The following CAMK1D variants were observed in gnomAD, a reference collection of about 807,000 sequenced individuals.
The protein encoded by CAMK1D is calcium/calmodulin dependent protein kinase ID, also known as calcium/calmodulin-dependent protein kinase type 1D.
CAMK1D carries 9 observed loss-of-function variants against 47.7 expected under a neutral mutation model. The observed-to-expected ratio is 0.19, with a 90% CI of 0.11 to 0.33. The LOEUF is 0.33. CAMK1D is among the 10% of genes least tolerant of loss of function. The pLI is 1.00. For missense variants in CAMK1D, 291 were observed against 488.7 expected (o/e 0.60, Z 3.81); for synonymous variants, 184 against 184.9 (o/e 0.99, Z 0.04).
At chr10:12,508,687 C>T (rs1834950952) in intron 1 of CAMK1D, among the ~76,000 whole-genome samples, 1 of 152,154 alleles carries the variant, frequency 6.6e-6, no homozygotes, top group African/African-American at 2.4e-5. Context: ...AAAAAGCAAA[C>T]ACATGGGTCT....
chr10:12,771,614 G>A (rs1388891885), intron 5 of CAMK1D, among the ~76,000 whole-genome samples: 1 of 152,234 alleles, frequency 6.6e-6, no homozygotes, highest in Non-Finnish European at 1.5e-5. Context: ...TAGAAGCGGG[G>A]AGATGCAGGG....
intron 1 of CAMK1D, among the ~76,000 whole-genome samples, chr10:12,397,748 A>T (rs1839014229): frequency 6.6e-6 from 1 of 152,182 alleles, no homozygotes; most frequent in African/African-American, 2.4e-5. Flanking sequence ...AGTAGGAAAA[A>T]TGTTGGCCTA....
chr10:12,542,175 C>T (rs1836217898), intron 1 of CAMK1D, among the ~76,000 whole-genome samples: 1 of 152,096 alleles, frequency 6.6e-6, no homozygotes. Flanking sequence ...CATGGAACCC[C>T]AGCTTTTCAG....
chr10:12,367,518 TATA>T (rs1422777335), intron 1 of CAMK1D, among the ~76,000 whole-genome samples: 1 of 151,976 alleles, frequency 6.6e-6, no homozygotes, highest in Non-Finnish European at 1.5e-5. Context: ...TATATTAAAA[TATA>T]ATGAAATAAT....
intron 1 of CAMK1D, among the ~76,000 whole-genome samples, chr10:12,417,335 G>T (rs898610988): frequency 1.3e-5 from 2 of 152,208 alleles, no homozygotes; most frequent in Non-Finnish European, 2.9e-5. Context: ...TGATGCTCCA[G>T]GGAGGTTTGA....
At chr10:12,567,858 G>T (rs902474632) in intron 2 of CAMK1D, among the ~76,000 whole-genome samples, 3 of 152,076 alleles carry the variant, frequency 2.0e-5, no homozygotes, top group African/African-American at 7.2e-5. Context: ...CTCGAATTTC[G>T]AGCTTGAATC....
chr10:12,827,468 G>GTCTTTCTTTCTTTCTTTCTTTCTT (rs1294410746), intron 10 of CAMK1D, among the ~76,000 whole-genome samples: 91 of 3,784 alleles, frequency 0.024, 21 homozygotes, highest in Non-Finnish European at 0.048. Context: ...TTCTTTGTCT[G>GTCTTTCTTTCTTTCTTTCTTTCTT]TCTGTCTTTC....
chr10:12,437,638 C>T (rs1370679790), intron 1 of CAMK1D, among the ~76,000 whole-genome samples: 1 of 152,194 alleles, frequency 6.6e-6, no homozygotes, highest in African/African-American at 2.4e-5. Flanking sequence ...CATTTTGTTA[C>T]AGCTGATGAA....
intron 1 of CAMK1D, among the ~76,000 whole-genome samples, chr10:12,412,584 C>G (rs1216309999): frequency 6.8e-6 from 1 of 147,284 alleles, no homozygotes; most frequent in Admixed American, 6.9e-5. Context: ...GATCGTGTCA[C>G]TGCACTCCAG....
At chr10:12,541,895 T>TCCTTC (rs1836205280) in intron 1 of CAMK1D, among the ~76,000 whole-genome samples, 1 of 58,638 alleles carries the variant, frequency 1.7e-5, no homozygotes, top group African/African-American at 5.0e-5. Context: ...TCCTTTTTTT[T>TCCTTC]TTTCAGGTCT....
At chr10:12,807,580 G>T (rs970243229) in intron 6 of CAMK1D, among the ~76,000 whole-genome samples, 2 of 152,306 alleles carry the variant, frequency 1.3e-5, no homozygotes, top group Admixed American at 6.5e-5. Context: ...CTCTGAGCAG[G>T]CAGCGTCCAC....
intron 1 of CAMK1D, among the ~76,000 whole-genome samples, chr10:12,480,744 G>T (rs573918921): frequency 6.6e-6 from 1 of 152,320 alleles, no homozygotes; most frequent in South Asian, 2.1e-4. Context: ...CCTAGCCCCA[G>T]AGCCCATGCA....
At position 12,573,406 on chromosome 10, in the gene CAMK1D, C is replaced by G. The variant is rs573644962; in HGVS notation, c.224+20050C>G. On this transcript the variant is annotated intron_variant, in intron 2 of 10. Transcript: ENST00000619168. ...ACTGGTGGGTTACCGCTAGCATTGC[C>G]GAGATGCACTGCAGTCATTGGCACG... is the stretch of plus-strand genomic sequence containing the variant. Among the ~76,000 whole-genome samples, 118 of 140,198 alleles carry G rather than the reference C, an allele frequency of 8.4e-4. No individual in the cohort carries two copies. In the South Asian group the frequency reaches 0.024, roughly 28 times the overall value. The allele number at this position is 140,198 out of a possible 152,430, so 92.0% of individuals were successfully genotyped here.
At chr10:12,571,533 G>A (rs1024568781) in intron 2 of CAMK1D, among the ~76,000 whole-genome samples, 1 of 151,900 alleles carries the variant, frequency 6.6e-6, no homozygotes, top group Admixed American at 6.6e-5. Flanking sequence ...ATCAGAATGT[G>A]CATGGAAGCT....
At chr10:12,547,227 A>G (rs1046188847) in intron 1 of CAMK1D, among the ~76,000 whole-genome samples, 9 of 152,220 alleles carry the variant, frequency 5.9e-5, no homozygotes, top group Admixed American at 2.6e-4. Flanking sequence ...GGCAAAAACC[A>G]GTAGGATGAG....
At chr10:12,443,732 C>T (rs1034675377) in intron 1 of CAMK1D, among the ~76,000 whole-genome samples, 8 of 152,136 alleles carry the variant, frequency 5.3e-5, no homozygotes, top group East Asian at 3.9e-4. Flanking sequence ...CGGGTTCAAG[C>T]GATTCTCCTG....
At chr10:12,438,319 T>A (rs1399544063) in intron 1 of CAMK1D, among the ~76,000 whole-genome samples, 22 of 152,214 alleles carry the variant, frequency 1.4e-4, no homozygotes, top group Non-Finnish European at 1.0e-4. Context: ...CATGTTAAGC[T>A]GCCCTTGGTG....
chr10:12,732,070 C>T (rs1336333796), intron 3 of CAMK1D, among the ~76,000 whole-genome samples: 1 of 151,992 alleles, frequency 6.6e-6, no homozygotes, highest in Non-Finnish European at 1.5e-5. Flanking sequence ...GGTGAAACCC[C>T]GTCTTACTAA....
chr10:12,511,435 T>C (rs973470693), intron 1 of CAMK1D, among the ~76,000 whole-genome samples: 7 of 151,776 alleles, frequency 4.6e-5, no homozygotes, highest in Non-Finnish European at 1.0e-4. Flanking sequence ...ACCCTGTCTC[T>C]ACAAAAAAAA....
Sources: allele counts gnomAD v4.1 joint callset (sites outside exome capture counted in the v4.1 genomes callset), GRCh38; gene constraint gnomAD v4.1.1; transcripts MANE v1.5; gene names NCBI Gene and HGNC (gene_info 2026-07-23, HGNC 2026-07-21).